CREB5: variants seen among roughly 807,000 people sequenced by gnomAD.
CREB5 encodes cyclic AMP-responsive element-binding protein 5.
A neutral mutation model predicts 57.1 loss-of-function variants in CREB5; 19 were observed. The ratio of observed to expected loss-of-function variants is 0.33; its 90% CI spans 0.23 to 0.49. CREB5 has a LOEUF of 0.49. Among genes scored for constraint, CREB5 ranks in the 20% least tolerant of loss-of-function variants. The pLI is 0.99. For synonymous variants in CREB5, 238 were observed against 238.3 expected (o/e 1.00, Z 0.01); for missense variants, 579 against 671.6 (o/e 0.86, Z 1.52).
At chr7:28,808,094 C>T (rs926519192) in intron 8 of CREB5, among the ~76,000 whole-genome samples, 11 of 152,230 alleles carry the variant, frequency 7.2e-5, no homozygotes, top group African/African-American at 2.7e-4. Flanking sequence ...AAGCAACTCT[C>T]ACTATCTCAC....
intron 2 of CREB5, among the ~76,000 whole-genome samples, chr7:28,490,631 G>C (rs928164929): frequency 6.6e-6 from 1 of 152,220 alleles, no homozygotes. Context: ...TTGGGTAGCT[G>C]TCCTGTGTGT....
intron 6 of CREB5, among the ~76,000 whole-genome samples, chr7:28,721,837 A>G (rs1803048497): frequency 2.0e-5 from 3 of 152,228 alleles, no homozygotes; most frequent in Admixed American, 2.0e-4. Context: ...GTGAACACAC[A>G]TTTATAATTA....
At chr7:28,637,265 G>A (rs1798459494) in intron 5 of CREB5, among the ~76,000 whole-genome samples, 1 of 152,150 alleles carries the variant, frequency 6.6e-6, no homozygotes, top group Non-Finnish European at 1.5e-5. Context: ...AGCTTCAGTA[G>A]TGAAGATAGT....
intron 5 of CREB5, among the ~76,000 whole-genome samples, chr7:28,654,879 C>T (rs538961099): frequency 3.1e-4 from 47 of 152,192 alleles, no homozygotes; most frequent in Non-Finnish European, 6.5e-4. Context: ...GAGAAGGGAA[C>T]GACTCAGACC....
intron 4 of CREB5, among the ~76,000 whole-genome samples, chr7:28,531,281 A>G (rs1485558187): frequency 6.6e-6 from 1 of 152,114 alleles, no homozygotes; most frequent in Non-Finnish European, 1.5e-5. Flanking sequence ...TGGATGCTTG[A>G]AGTCCGAGAT....
chr7:28,336,494 T>G (rs1440994485), intron 1 of CREB5, among the ~76,000 whole-genome samples: 2 of 151,974 alleles, frequency 1.3e-5, no homozygotes, highest in Non-Finnish European at 2.9e-5. Context: ...TTGTTGCTCA[T>G]AGTAGCCTCT....
intron 5 of CREB5, among the ~76,000 whole-genome samples, chr7:28,573,731 C>T (rs191687438): frequency 1.8e-4 from 28 of 152,272 alleles, no homozygotes; most frequent in African/African-American, 6.7e-4. Context: ...GGAGTAGTGC[C>T]AGTTATCAGG....
intron 1 of CREB5, among the ~76,000 whole-genome samples, chr7:28,451,251 G>C (rs1406370560): frequency 6.6e-6 from 1 of 152,142 alleles, no homozygotes; most frequent in Non-Finnish European, 1.5e-5. Flanking sequence ...GCAATAACTT[G>C]ACTGGAAAGT....
At chr7:28,556,044 A>G (rs1324123470) in intron 4 of CREB5, among the ~76,000 whole-genome samples, 2 of 152,180 alleles carry the variant, frequency 1.3e-5, no homozygotes, top group Non-Finnish European at 2.9e-5. Flanking sequence ...CTCAATAAAA[A>G]TACGGATGTC....
upstream of CREB5, among the ~76,000 whole-genome samples, chr7:28,408,629 T>C (rs1407476675): frequency 6.6e-6 from 1 of 152,166 alleles, no homozygotes; most frequent in Non-Finnish European, 1.5e-5. Context: ...GCTCTAGCTG[T>C]GATTCACCTT....
chr7:28,415,204 A>G (rs1323963442), intron 1 of CREB5, among the ~76,000 whole-genome samples: 1 of 152,058 alleles, frequency 6.6e-6, no homozygotes, highest in Non-Finnish European at 1.5e-5. Context: ...AGGCCTAGAG[A>G]TTCTGATGGT....
chr7:28,521,829 T>G (rs1390379699), intron 4 of CREB5, among the ~76,000 whole-genome samples: 1 of 152,226 alleles, frequency 6.6e-6, no homozygotes, highest in Non-Finnish European at 1.5e-5. Context: ...GATATTAATT[T>G]ATCCTATAGG....
intron 7 of CREB5, among the ~76,000 whole-genome samples, chr7:28,736,078 C>A (rs13247414): frequency 6.6e-6 from 1 of 152,120 alleles, no homozygotes; most frequent in Non-Finnish European, 1.5e-5. Flanking sequence ...GGATTACAGG[C>A]ATGAGCCCCA....
intron 7 of CREB5, among the ~76,000 whole-genome samples, chr7:28,780,074 G>A (rs1345492830): frequency 6.6e-6 from 1 of 152,134 alleles, no homozygotes; most frequent in African/African-American, 2.4e-5. Flanking sequence ...CCAGCCATGT[G>A]CATACTTTTT....
chr7:28,729,691 C>T (rs1803509451), intron 7 of CREB5, among the ~76,000 whole-genome samples: 2 of 152,084 alleles, frequency 1.3e-5, no homozygotes, highest in South Asian at 2.1e-4. Context: ...CTTTAATCAT[C>T]CCCAGCTTCA....
chr7:28,432,910 A>G (rs1219194395), intron 1 of CREB5, among the ~76,000 whole-genome samples: 1 of 152,214 alleles, frequency 6.6e-6, no homozygotes, highest in Non-Finnish European at 1.5e-5. Context: ...CATATCATCT[A>G]GCTATATTTC....
At chr7:28,410,374 C>T (rs576164030), upstream of CREB5, 1 of 456,756 alleles carries the variant, frequency 2.2e-6, no homozygotes, top group South Asian at 1.5e-5. Flanking sequence ...ATTCCCAAGA[C>T]CTGGCGGCGG....
At chr7:28,465,693 T>C (rs1210285171) in intron 1 of CREB5, among the ~76,000 whole-genome samples, 1 of 152,192 alleles carries the variant, frequency 6.6e-6, no homozygotes, top group East Asian at 1.9e-4. Context: ...ATCACATAGA[T>C]CATTCTAAGA....
At chr7:28,648,190 T>C (rs751193449) in intron 5 of CREB5, among the ~76,000 whole-genome samples, 1 of 152,168 alleles carries the variant, frequency 6.6e-6, no homozygotes, top group Non-Finnish European at 1.5e-5. Flanking sequence ...GAGACTGTCA[T>C]TCTCAGGGGT....
Sources: gnomAD v4.1 joint callset for allele counts (sites outside exome capture counted in the v4.1 genomes callset) on GRCh38, gnomAD v4.1.1 for gene constraint, MANE v1.5 for transcripts, NCBI Gene and HGNC (gene_info 2026-07-23, HGNC 2026-07-21) for gene names.